TLN2: variants seen among roughly 807,000 people sequenced by gnomAD.
TLN2 encodes talin-2.
In TLN2, 118 loss-of-function variants were observed where a neutral mutation model predicts 294.7. The ratio of observed to expected loss-of-function variants is 0.40; its 90% confidence interval spans 0.34 to 0.47. The LOEUF (loss-of-function observed/expected upper bound fraction) is 0.47, where lower values mean the gene tolerates loss of function less well. TLN2 is among the 20% of genes least tolerant of loss of function. The pLI is 0.84. For synonymous variants in TLN2, 1,431 were observed against 1,304.5 expected (o/e 1.10, Z -2.09); for missense variants, 3,083 against 3,282.2 (o/e 0.94, Z 1.48).
chr15:62,745,035 C>T (rs1175618681), intron 32 of TLN2, among the ~76,000 whole-genome samples: 2 of 152,156 alleles, frequency 1.3e-5, no homozygotes, highest in African/African-American at 4.8e-5. Flanking sequence ...TAATCAGAAG[C>T]ACAAAGTGGT....
intron 1 of TLN2, among the ~76,000 whole-genome samples, chr15:62,499,797 T>C (rs758807026): frequency 1.3e-5 from 2 of 151,994 alleles, no homozygotes; most frequent in African/African-American, 4.8e-5. Context: ...GAGACGGAGT[T>C]TCTCCATGTA....
chr15:62,545,098 T>A (rs1028902803), intron 1 of TLN2, among the ~76,000 whole-genome samples: 1 of 84,658 alleles, frequency 1.2e-5, no homozygotes, highest in African/African-American at 5.0e-5. Flanking sequence ...CCCAGCTGAT[T>A]TTTTTTTTTT....
intron 54 of TLN2, chr15:62,831,017 A>G (rs1319347604): frequency 6.8e-6 from 1 of 147,752 alleles, no homozygotes; most frequent in Non-Finnish European, 1.5e-5. Context: ...TCCAAGTTGA[A>G]TATCTATTAT....
intron 3 of TLN2, among the ~76,000 whole-genome samples, chr15:62,619,564 C>T (rs1411100979): frequency 6.6e-6 from 1 of 152,144 alleles, no homozygotes; most frequent in Admixed American, 6.5e-5. Flanking sequence ...CAGAATGTGA[C>T]CTTATTTGGA....
At chr15:62,617,951 T>C (rs1156749414) in intron 2 of TLN2, among the ~76,000 whole-genome samples, 1 of 151,410 alleles carries the variant, frequency 6.6e-6, no homozygotes, top group Non-Finnish European at 1.5e-5. Flanking sequence ...TGATTCATCA[T>C]TCAGGCAATT....
intron 3 of TLN2, among the ~76,000 whole-genome samples, chr15:62,618,776 A>C (rs1444070023): frequency 6.6e-6 from 1 of 152,166 alleles, no homozygotes; most frequent in South Asian, 2.1e-4. Flanking sequence ...GTTTCTCCTG[A>C]TGTGTAGGTT....
intron 2 of TLN2, among the ~76,000 whole-genome samples, chr15:62,590,099 G>A (rs2045965253): frequency 6.6e-6 from 1 of 152,112 alleles, no homozygotes; most frequent in Non-Finnish European, 1.5e-5. Flanking sequence ...TCTTTTCTTA[G>A]TGTGACGTGA....
chr15:62,737,913 A>G (rs1341324509), intron 29 of TLN2, among the ~76,000 whole-genome samples: 1 of 152,166 alleles, frequency 6.6e-6, no homozygotes, highest in East Asian at 1.9e-4. Context: ...CTCATGCTGG[A>G]GAGTTCTATG....
chr15:62,472,449 G>C (rs775632860), intron 1 of TLN2, among the ~76,000 whole-genome samples: 1 of 152,180 alleles, frequency 6.6e-6, no homozygotes, highest in African/African-American at 2.4e-5. Flanking sequence ...CATCTGGCAC[G>C]AAGCTTAGCA....
At chr15:62,537,421 CT>C (rs1263868974) in intron 1 of TLN2, among the ~76,000 whole-genome samples, 4 of 152,292 alleles carry the variant, frequency 2.6e-5, no homozygotes, top group African/African-American at 9.6e-5. Context: ...GGGGTCTAAT[CT>C]TCAGTAGTAC....
At chr15:62,465,166 T>C (rs2037053624) in intron 1 of TLN2, among the ~76,000 whole-genome samples, 1 of 148,978 alleles carries the variant, frequency 6.7e-6, no homozygotes, top group African/African-American at 2.5e-5. Flanking sequence ...TGCTAAGCCC[T>C]TTAGTTCTTC....
At position 62,840,517 on chromosome 15, in the gene TLN2, G is replaced by A. The variant is rs575660418; in HGVS notation, c.7536G>A (p.Glu2512=). 2.9e-5 allele frequency: 47 copies of A among 1,614,216 alleles called. No homozygotes were observed. In the East Asian group the frequency reaches 9.6e-4, roughly 33 times the overall value. The part of the protein sequence containing the change: ...IAAQEEMLKK[E]RELEEARKKL... The stretch of plus-strand genomic sequence containing the variant: ...CCCAGGAAGAAATGCTAAAGAAAGA[G>A]CGAGAACTGGAAGAAGCAAGGAAAA... Residue 2512 remains glutamate, a synonymous_variant, in exon 59 of 59, where the codon GAG becomes GAA. Coordinates refer to ENST00000636159, the MANE Select transcript of TLN2 (RefSeq NM_015059.3).
intron 14 of TLN2, among the ~76,000 whole-genome samples, chr15:62,695,162 G>A (rs1217476173): frequency 6.6e-6 from 1 of 152,090 alleles, no homozygotes; most frequent in African/African-American, 2.4e-5. Context: ...TCTAATAAAT[G>A]GCTCTTTTTG....
At chr15:62,407,269 G>C (rs573981988) in intron 1 of TLN2, among the ~76,000 whole-genome samples, 3 of 152,284 alleles carry the variant, frequency 2.0e-5, no homozygotes, top group Non-Finnish European at 4.4e-5. Flanking sequence ...GATGTAGCAA[G>C]GCTTGTATAC....
At chr15:62,612,099 A>G (rs2047965013) in intron 2 of TLN2, among the ~76,000 whole-genome samples, 1 of 152,152 alleles carries the variant, frequency 6.6e-6, no homozygotes, top group South Asian at 2.1e-4. Flanking sequence ...CTGACCCAGC[A>G]TCTACCTGCC....
intron 58 of TLN2, 92 bp from the exon 59 acceptor site, chr15:62,840,390 G>C: frequency 6.6e-7 from 1 of 1,523,376 alleles, no homozygotes; most frequent in South Asian, 1.3e-5. Flanking sequence ...TCCCACGGTC[G>C]CGGGAGCCGT....
rs756097905 is a variant in TLN2, at chr15:62,652,117, C to T, written c.347C>T (p.Thr116Ile). ...AAGACTGTGGGGGAGCTCCTGGTCA[C>T]TATTTGTAGCAGAATAGGTGAGCAT... ...DSKTVGELLV[T>I]ICSRIGITNY... The change falls in exon 6 of 59, where the codon ACT (threonine) becomes ATT (isoleucine). Residue 116 changes from threonine to isoleucine, a missense_variant. Transcript: ENST00000636159. 1 of 1,599,330 alleles carries T rather than the reference C, an allele frequency of 6.3e-7. No individual in the cohort carries two copies. Among genetic ancestry groups the T allele is most frequent in the Non-Finnish European group, 8.5e-7 (1 of 1,172,232 alleles).
At chr15:62,499,319 G>A (rs1192680294) in intron 1 of TLN2, among the ~76,000 whole-genome samples, 1 of 152,024 alleles carries the variant, frequency 6.6e-6, no homozygotes, top group Non-Finnish European at 1.5e-5. Context: ...GCGTGGTGGT[G>A]CTCACCTGTA....
chr15:62,458,888 C>T (rs2036636470), intron 1 of TLN2, among the ~76,000 whole-genome samples: 1 of 152,222 alleles, frequency 6.6e-6, no homozygotes, highest in South Asian at 2.1e-4. Context: ...CCTCTGCCCT[C>T]CTCTCTGGTG....
Sources: gnomAD v4.1 joint callset for allele counts (sites outside exome capture counted in the v4.1 genomes callset) on GRCh38, gnomAD v4.1.1 for gene constraint, MANE v1.5 for transcripts, NCBI Gene and HGNC (gene_info 2026-07-23, HGNC 2026-07-21) for gene names.